ARID2: variants seen among roughly 807,000 people sequenced by gnomAD.
ARID2 encodes the protein AT-rich interactive domain-containing protein 2.
A neutral mutation model predicts 184.6 loss-of-function variants in ARID2; 32 were observed. That is an observed-to-expected ratio of 0.17 (90% CI 0.13 to 0.23). The LOEUF (loss-of-function observed/expected upper bound fraction) is 0.23, where lower values mean the gene tolerates loss of function less well. Among genes scored for constraint, ARID2 ranks in the 10% least tolerant of loss-of-function variants. The probability of loss-of-function intolerance (pLI) is 1.00; values close to 1 mark genes in which losing one functional copy is unlikely to be tolerated. For synonymous variants in ARID2, 836 were observed against 772.6 expected, an observed-to-expected ratio of 1.08 and a Z score of -1.36; for missense variants, 1,696 against 2,197.6, an observed-to-expected ratio of 0.77 and a Z score of 4.56.
chr12:45,740,058 G>A (rs1941219781), intron 3 of ARID2, among the ~76,000 whole-genome samples: 1 of 152,144 alleles, frequency 6.6e-6, no homozygotes. Context: ...CTCCCAGTGT[G>A]CTTGCAAATA....
At chr12:45,856,396 A>G (rs1425185323) in intron 15 of ARID2, among the ~76,000 whole-genome samples, 2 of 152,166 alleles carry the variant, frequency 1.3e-5, no homozygotes, top group African/African-American at 2.4e-5. Context: ...TTAAAGTTGC[A>G]TGTTAGACCT....
intron 3 of ARID2, among the ~76,000 whole-genome samples, chr12:45,759,421 G>A (rs182523459): frequency 4.0e-4 from 61 of 152,232 alleles, no homozygotes; most frequent in African/African-American, 1.3e-3. Flanking sequence ...GAGCACTTTT[G>A]ATTACAGTTG....
At chr12:45,799,880 C>T (rs1020677201) in intron 3 of ARID2, among the ~76,000 whole-genome samples, 2 of 152,108 alleles carry the variant, frequency 1.3e-5, no homozygotes, top group Admixed American at 6.6e-5. Context: ...GACAAGGTCT[C>T]AGTTTGTTGC....
intron 4 of ARID2, among the ~76,000 whole-genome samples, chr12:45,814,458 T>A (rs1942768426): frequency 6.6e-6 from 1 of 152,162 alleles, no homozygotes; most frequent in East Asian, 1.9e-4. Flanking sequence ...GAGACCAGCC[T>A]GGCCAACATG....
At chr12:45,885,097 C>G (rs1239893755) in intron 16 of ARID2, among the ~76,000 whole-genome samples, 1 of 150,830 alleles carries the variant, frequency 6.6e-6, no homozygotes, top group Admixed American at 6.6e-5. Flanking sequence ...ACTTTTGCAA[C>G]TAGATAAAAT....
At chr12:45,806,913 A>G (rs1942613191) in intron 3 of ARID2, among the ~76,000 whole-genome samples, 2 of 152,354 alleles carry the variant, frequency 1.3e-5, no homozygotes, top group East Asian at 1.9e-4. Context: ...GCTTTCTTGG[A>G]AAACCAACTA....
chr12:45,852,377 A>G lies in ARID2; in HGVS notation c.4254A>G (p.Gly1418=), dbSNP rs753335931. 3.9e-5 allele frequency: 63 copies of G among 1,614,028 alleles called. 2 individuals are homozygous for G. Among genetic ancestry groups the G allele is most frequent in the Non-Finnish European group, 3.1e-5 (37 of 1,180,020 alleles). Residue 1418 remains glycine, a synonymous_variant, in exon 15 of 21, where the codon GGA becomes GGG. Coordinates refer to ENST00000334344, the MANE Select transcript of ARID2 (RefSeq NM_152641.4). The part of the protein sequence containing the change: ...KGDQLERISN[G]PVLTLGGSSV... Reference sequence around the variant, plus strand: ...ATCAACTAGAAAGAATTTCTAATGGACCTGTATTAACTTTGGGTGGTTCAT... The same window carrying G: ...ATCAACTAGAAAGAATTTCTAATGGGCCTGTATTAACTTTGGGTGGTTCAT...
intron 3 of ARID2, among the ~76,000 whole-genome samples, chr12:45,749,277 G>T (rs2137991397): frequency 1.3e-5 from 2 of 152,326 alleles, no homozygotes; most frequent in Non-Finnish European, 1.5e-5. Context: ...GGTGACCATT[G>T]TCAGTGAGCA....
intron 3 of ARID2, among the ~76,000 whole-genome samples, chr12:45,807,766 A>T (rs1209134621): frequency 6.6e-6 from 1 of 152,182 alleles, no homozygotes; most frequent in African/African-American, 2.4e-5. Flanking sequence ...TTCCATTAAG[A>T]TTCTAAAAGG....
intron 16 of ARID2, among the ~76,000 whole-genome samples, chr12:45,890,668 C>T (rs895912247): frequency 1.1e-4 from 17 of 152,066 alleles, no homozygotes; most frequent in Admixed American, 3.9e-4. Flanking sequence ...ATATAACTTA[C>T]TCTTTCTGAC....
chr12:45,797,849 TG>T (rs1565599986), intron 3 of ARID2, among the ~76,000 whole-genome samples: 1 of 152,032 alleles, frequency 6.6e-6, no homozygotes, highest in East Asian at 1.9e-4. Context: ...CTCTTCATTT[TG>T]TTTTAAATAT....
At chr12:45,863,846 C>CTT (rs1473004229) in intron 16 of ARID2, among the ~76,000 whole-genome samples, 4 of 87,516 alleles carry the variant, frequency 4.6e-5, no homozygotes, top group South Asian at 4.1e-4. Context: ...TTTTCTTTCC[C>CTT]TTTTTTTTTT....
At chr12:45,900,603 A>C (rs1444762084) in intron 20 of ARID2, among the ~76,000 whole-genome samples, 1 of 151,918 alleles carries the variant, frequency 6.6e-6, no homozygotes, top group Non-Finnish European at 1.5e-5. Flanking sequence ...CCTGGTACAC[A>C]CCTCTTCTCA....
intron 3 of ARID2, among the ~76,000 whole-genome samples, chr12:45,731,859 T>C (rs147250076): frequency 1.3e-5 from 2 of 152,044 alleles, no homozygotes; most frequent in African/African-American, 4.8e-5. Flanking sequence ...AATTACTTTT[T>C]GTTGAATTTC....
chr12:45,754,482 C>T (rs1941525364), intron 3 of ARID2, among the ~76,000 whole-genome samples: 1 of 152,212 alleles, frequency 6.6e-6, no homozygotes, highest in East Asian at 1.9e-4. Flanking sequence ...TATAGTTCTC[C>T]AAGCATGCCA....
intron 16 of ARID2, among the ~76,000 whole-genome samples, chr12:45,870,152 A>G (rs190627935): frequency 9.3e-4 from 141 of 151,808 alleles, no homozygotes; most frequent in African/African-American, 3.1e-3. Flanking sequence ...TGCCCTGCTA[A>G]CTTTTTTTGT....
intron 3 of ARID2, among the ~76,000 whole-genome samples, chr12:45,744,850 A>G (rs1048117291): frequency 1.3e-5 from 2 of 152,208 alleles, no homozygotes; most frequent in Non-Finnish European, 2.9e-5. Flanking sequence ...ATGTTTTTAC[A>G]TAGTATATTT....
intron 3 of ARID2, among the ~76,000 whole-genome samples, chr12:45,762,606 A>G (rs1442852290): frequency 6.6e-6 from 1 of 152,152 alleles, no homozygotes; most frequent in African/African-American, 2.4e-5. Flanking sequence ...ACCATTATCA[A>G]TGTCTTCAAG....
chr12:45,877,529 A>G (rs990451421), intron 16 of ARID2, among the ~76,000 whole-genome samples: 1 of 152,112 alleles, frequency 6.6e-6, no homozygotes, highest in Non-Finnish European at 1.5e-5. Flanking sequence ...ATTATATGGT[A>G]CAATGAGTAA....
Sources: gnomAD v4.1 joint callset for allele counts (sites outside exome capture counted in the v4.1 genomes callset) on GRCh38, gnomAD v4.1.1 for gene constraint, MANE v1.5 for transcripts, NCBI Gene and HGNC (gene_info 2026-07-23, HGNC 2026-07-21) for gene names.